The following PPFIA2 variants were observed in gnomAD, a reference collection of about 807,000 sequenced individuals.
PPFIA2 encodes the protein liprin-alpha-2.
Under a neutral mutation model 175.5 loss-of-function variants are expected in PPFIA2, and 46 were observed. That is an observed-to-expected ratio of 0.26 (90% CI 0.21 to 0.34). The LOEUF (loss-of-function observed/expected upper bound fraction) is 0.34. Among genes scored for constraint, PPFIA2 ranks in the 10% least tolerant of loss-of-function variants. The probability of loss-of-function intolerance (pLI) is 1.00; values close to 1 mark genes in which losing one functional copy is unlikely to be tolerated. For missense variants in PPFIA2, 1,179 were observed against 1,506.1 expected (o/e 0.78, Z 3.60); for synonymous variants, 568 against 511.4 (o/e 1.11, Z -1.49).
At chr12:81,361,556 G>A (rs771996201) in intron 15 of PPFIA2, among the ~76,000 whole-genome samples, 4 of 151,266 alleles carry the variant, frequency 2.6e-5, no homozygotes, top group Non-Finnish European at 4.4e-5. Context: ...ATCAAATATT[G>A]TTTTTCCTTA....
intron 4 of PPFIA2, among the ~76,000 whole-genome samples, chr12:81,497,925 G>C (rs2060203246): frequency 6.6e-6 from 1 of 152,070 alleles, no homozygotes. Flanking sequence ...GCACTGCTCA[G>C]TTTCCTTTTC....
Position 81,556,556 on chromosome 12 carries a change from G to A in PPFIA2, c.304-98690C>T, listed in dbSNP as rs577057173. The stretch of plus-strand genomic sequence containing the variant: ...CAAGTGAAGGCTAATTGCTAAAGGT[G>A]AGATTAGGTAAGTTGAAAAGTGGTG... On this transcript the variant is annotated intron_variant, in intron 4 of 32. Coordinates refer to ENST00000549396, the MANE Select transcript of PPFIA2 (RefSeq NM_003625.5). 3.3e-5 allele frequency among the ~76,000 whole-genome samples: 5 copies of A among 152,046 alleles called. No homozygotes were observed. The East Asian group carries it at 9.7e-4, about 29-fold the overall frequency.
intron 28 of PPFIA2, among the ~76,000 whole-genome samples, chr12:81,269,098 T>A (rs2038302282): frequency 6.6e-6 from 1 of 151,310 alleles, no homozygotes; most frequent in Non-Finnish European, 1.5e-5. Flanking sequence ...CAGAGAAAAA[T>A]GCCGTTTCTT....
At chr12:81,705,083 T>TTA (rs1389671031) in intron 3 of PPFIA2, among the ~76,000 whole-genome samples, 2 of 32,356 alleles carry the variant, frequency 6.2e-5, no homozygotes, top group South Asian at 2.2e-3. Context: ...AAACTCTGTC[T>TTA]AAAAAAAAAA....
intron 4 of PPFIA2, among the ~76,000 whole-genome samples, chr12:81,581,678 A>G (rs2074421872): frequency 6.6e-6 from 1 of 150,558 alleles, no homozygotes; most frequent in Admixed American, 6.6e-5. Context: ...TCCAGTAACT[A>G]GAATAGAACT....
At chr12:81,634,865 G>GT (rs2063806481) in intron 4 of PPFIA2, among the ~76,000 whole-genome samples, 1 of 151,850 alleles carries the variant, frequency 6.6e-6, no homozygotes, top group Non-Finnish European at 1.5e-5. Context: ...AATAGTATGG[G>GT]TAATGTGTCC....
At position 81,483,083 on chromosome 12, in the gene PPFIA2, C is replaced by T. The variant is rs947029200; in HGVS notation, c.304-25217G>A. ...GCATATTAAAAAGTTATGTAGAACCCTACATTAAGCAATTCATCATTGCTG... is the reference window on the plus strand; with the variant it reads ...GCATATTAAAAAGTTATGTAGAACCTTACATTAAGCAATTCATCATTGCTG... On this transcript the variant is annotated intron_variant, in intron 4 of 32. Coordinates refer to ENST00000549396, the MANE Select transcript of PPFIA2 (RefSeq NM_003625.5). Among the ~76,000 whole-genome samples the T allele has an allele frequency of 2.6e-5, 4 of 152,212 alleles. No individual in the cohort carries two copies. In the East Asian group the frequency reaches 5.8e-4, roughly 22 times the overall value.
chr12:81,561,115 A>G (rs1226527816), intron 4 of PPFIA2, among the ~76,000 whole-genome samples: 1 of 152,126 alleles, frequency 6.6e-6, no homozygotes, highest in Non-Finnish European at 1.5e-5. Flanking sequence ...ATTTTTTCCT[A>G]TGATTCATTT....
At chr12:81,307,286 G>C (rs1025761592) in intron 22 of PPFIA2, among the ~76,000 whole-genome samples, 2 of 152,064 alleles carry the variant, frequency 1.3e-5, no homozygotes, top group African/African-American at 4.8e-5. Context: ...GGAAATAAGA[G>C]TTTGTTCTTC....
intron 4 of PPFIA2, among the ~76,000 whole-genome samples, chr12:81,471,795 C>G (rs1342421369): frequency 6.6e-6 from 1 of 152,132 alleles, no homozygotes; most frequent in East Asian, 1.9e-4. Context: ...TCTCCACAAC[C>G]TTGCCAGCAT....
intron 18 of PPFIA2, 118 bp from the exon 19 acceptor site, chr12:81,344,811 G>A: frequency 1.4e-6 from 1 of 728,108 alleles, no homozygotes. Flanking sequence ...TCTTCATTTT[G>A]TTATTTTCTA....
chr12:81,679,246 T>C (rs2073145706), intron 3 of PPFIA2, among the ~76,000 whole-genome samples: 1 of 151,870 alleles, frequency 6.6e-6, no homozygotes, highest in Non-Finnish European at 1.5e-5. Flanking sequence ...TCTGTTCATG[T>C]AAAATGTTAT....
chr12:81,692,477 T>G (rs2075370647), intron 3 of PPFIA2, among the ~76,000 whole-genome samples: 1 of 152,146 alleles, frequency 6.6e-6, no homozygotes, highest in South Asian at 2.1e-4. Context: ...GAGTCAATAT[T>G]CATATATTTC....
intron 4 of PPFIA2, among the ~76,000 whole-genome samples, chr12:81,544,776 G>A (rs1226755263): frequency 6.6e-6 from 1 of 152,040 alleles, no homozygotes; most frequent in Non-Finnish European, 1.5e-5. Flanking sequence ...CAACCTTCTA[G>A]ATGCTTATTT....
chr12:81,442,462 G>C (rs2050351658), intron 6 of PPFIA2, among the ~76,000 whole-genome samples: 1 of 151,688 alleles, frequency 6.6e-6, no homozygotes, highest in South Asian at 2.1e-4. Context: ...AAATATATAG[G>C]GAAGGCATAT....
intron 4 of PPFIA2, among the ~76,000 whole-genome samples, chr12:81,468,662 A>C (rs983739389): frequency 5.3e-5 from 8 of 152,230 alleles, no homozygotes; most frequent in African/African-American, 1.9e-4. Context: ...CATCTCTAGC[A>C]ATCAGTTATA....
intron 15 of PPFIA2, among the ~76,000 whole-genome samples, 163 bp downstream of exon 15, chr12:81,362,529 TA>T (rs2031249056): frequency 6.6e-6 from 1 of 151,712 alleles, no homozygotes; most frequent in East Asian, 1.9e-4. Flanking sequence ...GTTAAAAAGT[TA>T]TTTTTGAATG....
intron 3 of PPFIA2, among the ~76,000 whole-genome samples, chr12:81,731,316 T>C (rs1300131869): frequency 6.6e-6 from 1 of 151,750 alleles, no homozygotes; most frequent in Admixed American, 6.6e-5. Context: ...GTTTTTTCCA[T>C]TTCTGCACAT....
intron 4 of PPFIA2, among the ~76,000 whole-genome samples, chr12:81,490,952 T>C (rs994741429): frequency 2.6e-5 from 4 of 151,952 alleles, no homozygotes; most frequent in Non-Finnish European, 5.9e-5. Context: ...GCCTCTAACT[T>C]TACTTTTGGC....
Sources: gnomAD v4.1 joint callset for allele counts (sites outside exome capture counted in the v4.1 genomes callset) on GRCh38, gnomAD v4.1.1 for gene constraint, MANE v1.5 for transcripts, NCBI Gene and HGNC (gene_info 2026-07-23, HGNC 2026-07-21) for gene names.